F2: variants seen among roughly 807,000 people sequenced by gnomAD.
F2 encodes the protein prothrombin.
Under a neutral mutation model 81.9 loss-of-function variants are expected in F2, and 34 were observed. That is an observed-to-expected ratio of 0.42 (90% confidence interval 0.32 to 0.55). The LOEUF is 0.55. F2 is among the 20% of genes least tolerant of loss of function. The pLI, the probability that F2 is intolerant of heterozygous loss-of-function variation, is 0.18. For missense variants in F2, 630 were observed against 833.4 expected, an observed-to-expected ratio of 0.76 and a Z score of 3.00; for synonymous variants, 296 against 326.4, an observed-to-expected ratio of 0.91 and a Z score of 1.01.
rs1047233708 is a variant in F2 at position 46,726,007 on chromosome 11, C to T, written c.708C>T (p.Ala236=). The T allele has an allele frequency of 4.3e-6, 7 of 1,613,906 alleles. No individual in the cohort carries two copies. In the Middle Eastern group the frequency reaches 4.9e-4, roughly 114 times the overall value. Residue 236 remains alanine, a synonymous_variant, in exon 7 of 14, where the codon GCC becomes GCT. Transcript: ENST00000311907. The surrounding 1 kb of genome is among the most constrained non-coding windows in gnomAD (Gnocchi z 5.9). ...AVTTHGLPCL[A]WASAQAKALS... Reference sequence around the variant, plus strand: ...CCACACATGGGCTCCCCTGCCTGGCCTGGGCCAGCGCACAGGCCAAGGCCC... The same window carrying T: ...CCACACATGGGCTCCCCTGCCTGGCTTGGGCCAGCGCACAGGCCAAGGCCC...
At chr11:46,722,494 G>A (rs965591465) in intron 4 of F2, among the ~76,000 whole-genome samples, 3 of 152,142 alleles carry the variant, frequency 2.0e-5, no homozygotes, top group Non-Finnish European at 4.4e-5. Flanking sequence ...AGGCTGATGG[G>A]GGAGAATTTC....
rs5899 is a variant in F2, at chr11:46,726,112, C to T, written c.813C>T (p.Gly271=). 9.5e-3 allele frequency: 15,287 copies of T among 1,614,146 alleles called. 118 individuals are homozygous for T. The highest frequency in any genetic ancestry group is 0.025 in the South Asian group (2,242 of 91,086). The change falls in exon 7 of 14, where the codon GGC becomes GGT. Residue 271 remains glycine (G), a synonymous_variant. Transcript: ENST00000311907. The surrounding 1 kb of genome is among the most constrained non-coding windows in gnomAD (Gnocchi z 5.9). ...GCAACCCAGACGGGGATGAGGAGGG[C>T]GTGTGGTGCTATGTGGCCGGGAAGC... ...FCRNPDGDEE[G]VWCYVAGKPG...
chr11:46,724,915 C>T (rs903194937), intron 6 of F2, among the ~76,000 whole-genome samples: 1 of 150,928 alleles, frequency 6.6e-6, no homozygotes, highest in Non-Finnish European at 1.5e-5. Flanking sequence ...GGATTACAGG[C>T]GTGTGCCACC....
chr11:46,720,509 C>T lies in F2; in HGVS notation c.241-14C>T. 6.2e-7 allele frequency: 1 copy of T among 1,614,128 alleles called. No individual in the cohort carries two copies. The highest frequency in any genetic ancestry group is 8.5e-7 in the Non-Finnish European group (1 of 1,179,980). On this transcript the variant is annotated splice_polypyrimidine_tract_variant and intron_variant, in intron 2 of 13. Coordinates refer to ENST00000311907, the MANE Select transcript of F2 (RefSeq NM_000506.5). Reference sequence around the variant, plus strand: ...GGAGCTGCCGTAGCCTCACTCCCAGCCCTTGTTTTTCAGGATGTGTTCTGG... The same window carrying T: ...GGAGCTGCCGTAGCCTCACTCCCAGTCCTTGTTTTTCAGGATGTGTTCTGG...
In F2 at chr11:46,719,353, T is replaced by C. The variant is rs1338330565; in HGVS notation, c.79+39T>C. 40 of 1,593,732 alleles carry C rather than the reference T, an allele frequency of 2.5e-5. No individual in the cohort carries two copies. Among genetic ancestry groups the C allele is most frequent in the Non-Finnish European group, 3.3e-5 (39 of 1,169,556 alleles). ...TGCAGGCTGGAACAGGCTGGAGGACTGGGGTGTGGGCCCATGGGCTGGGGT... is the reference window on the plus strand; with the variant it reads ...TGCAGGCTGGAACAGGCTGGAGGACCGGGGTGTGGGCCCATGGGCTGGGGT... On this transcript the variant is annotated intron_variant, in intron 1 of 13. Transcript: ENST00000311907. The surrounding 1 kb of genome is among the most constrained non-coding windows in gnomAD (Gnocchi z 4.7).
chr11:46,726,325 C>A lies in F2; in HGVS notation c.874+152C>A. ...GGGGGGTAAGGTCCTGTGCCCATTTCACAGATAAGTACACTGAGGCCCCAG... is the reference window on the plus strand; with the variant it reads ...GGGGGGTAAGGTCCTGTGCCCATTTAACAGATAAGTACACTGAGGCCCCAG... On this transcript the variant is annotated intron_variant, in intron 7 of 13. Coordinates refer to ENST00000311907, the MANE Select transcript of F2 (RefSeq NM_000506.5). The surrounding 1 kb of genome is among the most constrained non-coding windows in gnomAD (Gnocchi z 5.9). The A allele has an allele frequency of 6.9e-7, 1 of 1,441,568 alleles. No individual in the cohort carries two copies. The highest frequency in any genetic ancestry group is 9.4e-7 in the Non-Finnish European group (1 of 1,058,822). The allele number at this position is 1,441,568 out of a possible 1,614,324, so 89.3% of individuals were successfully genotyped here. A position where few individuals can be genotyped will look rare whatever the true frequency, so the allele number is the denominator to read the frequency against.
At chr11:46,738,037 G>T (rs117303522) in intron 12 of F2, among the ~76,000 whole-genome samples, 1 of 151,408 alleles carries the variant, frequency 6.6e-6, no homozygotes, top group East Asian at 1.9e-4. Flanking sequence ...TTGTTCTGTC[G>T]CTCAGGCGGT....
chr11:46,722,859 A>G (rs1219108281), intron 4 of F2, among the ~76,000 whole-genome samples: 1 of 152,184 alleles, frequency 6.6e-6, no homozygotes, highest in Non-Finnish European at 1.5e-5. Flanking sequence ...GTTGAAAAGG[A>G]CCTTCATCAC....
chr11:46,724,206 T>C (rs1422382741), intron 6 of F2, among the ~76,000 whole-genome samples: 1 of 152,148 alleles, frequency 6.6e-6, no homozygotes, highest in Non-Finnish European at 1.5e-5. Context: ...CATTATTATT[T>C]CCTTGGTGTG....
At chr11:46,722,098 G>A (rs1393305837) in intron 4 of F2, among the ~76,000 whole-genome samples, 1 of 151,908 alleles carries the variant, frequency 6.6e-6, no homozygotes. Flanking sequence ...ACCAGCCTCA[G>A]CCTCCCAGAG....
chr11:46,737,734 G>A (rs116429524), intron 12 of F2, among the ~76,000 whole-genome samples: 1,842 of 152,048 alleles, frequency 0.012, 22 homozygotes, highest in Middle Eastern at 0.017. Flanking sequence ...CACTGCGCCC[G>A]GCCAGGCCTA....
At chr11:46,732,489 C>T (rs1234216055) in intron 12 of F2, among the ~76,000 whole-genome samples, 1 of 151,626 alleles carries the variant, frequency 6.6e-6, no homozygotes, top group Non-Finnish European at 1.5e-5. Context: ...CGTCCTCCTC[C>T]CAGGTTCAAG....
In F2 at chr11:46,719,897, C is replaced by T. The variant is rs1307151409; in HGVS notation, c.240+35C>T. On this transcript the variant is annotated intron_variant, in intron 2 of 13. Transcript: ENST00000311907. The surrounding 1 kb of genome is among the most constrained non-coding windows in gnomAD (Gnocchi z 4.7). ...GGCTGCTCGGACGGTGCCGGGGCCTCAGACCGGGCCCAACTCTAGACACTT... is the reference window on the plus strand; with the variant it reads ...GGCTGCTCGGACGGTGCCGGGGCCTTAGACCGGGCCCAACTCTAGACACTT... 4 of 1,547,564 alleles carry T rather than the reference C, an allele frequency of 2.6e-6. No homozygotes were observed. Among genetic ancestry groups the T allele is most frequent in the Non-Finnish European group, 3.5e-6 (4 of 1,148,148 alleles).
chr11:46,726,580 G>A lies in F2; in HGVS notation c.957G>A (p.Glu319=). The A allele has an allele frequency of 1.9e-6, 3 of 1,614,168 alleles. No individual in the cohort carries two copies. The highest frequency in any genetic ancestry group is 2.5e-6 in the Non-Finnish European group (3 of 1,179,986). The change falls in exon 8 of 14, where the codon GAG becomes GAA. Residue 319 remains glutamate, a synonymous_variant. Coordinates refer to ENST00000311907, the MANE Select transcript of F2 (RefSeq NM_000506.5). The surrounding 1 kb of genome is among the most constrained non-coding windows in gnomAD (Gnocchi z 5.9). ...RAIEGRTATS[E]YQTFFNPRTF... ...TCGAAGGGCGTACCGCCACCAGTGA[G>A]TACCAGACTTTCTTCAATCCGAGGA... is the stretch of plus-strand genomic sequence containing the variant.
chr11:46,721,414 G>C (rs1252728659), intron 4 of F2, among the ~76,000 whole-genome samples: 2 of 152,166 alleles, frequency 1.3e-5, no homozygotes, highest in East Asian at 3.8e-4. Context: ...GAGCTTTGAT[G>C]ATGTCACATT....
At position 46,723,498 on chromosome 11, in the gene F2, A is replaced by G. The variant is rs763643404; in HGVS notation, c.539A>G (p.Glu180Gly). ...YTTDPTVRRQ[E>G]CSIPVCGQDQ... ...ACAGACCCCACCGTGAGGAGGCAGG[A>G]ATGCAGCATCCCTGTCTGTGGTAAG... The change falls in exon 6 of 14, where the codon GAA (glutamate) becomes GGA (glycine). Residue 180 changes from glutamate (E) to glycine (G), a missense_variant. Transcript: ENST00000311907. This position sits in a 1 kb window ranked among gnomAD's most constrained non-coding sequence, Gnocchi z 5.6. 1 of 1,613,630 alleles carries G rather than the reference A, an allele frequency of 6.2e-7. No individual in the cohort carries two copies. The highest frequency in any genetic ancestry group is 8.5e-7 in the Non-Finnish European group (1 of 1,179,782).
chr11:46,737,699 A>T (rs1384360194), intron 12 of F2, among the ~76,000 whole-genome samples: 3 of 151,924 alleles, frequency 2.0e-5, no homozygotes, highest in Non-Finnish European at 4.4e-5. Context: ...CAGCCTCCCA[A>T]AGTGCTGGTA....
At chr11:46,736,657 C>T (rs1393758237) in intron 12 of F2, among the ~76,000 whole-genome samples, 1 of 152,154 alleles carries the variant, frequency 6.6e-6, no homozygotes, top group Non-Finnish European at 1.5e-5. Context: ...TCTGGATGTT[C>T]GACTCGGCTT....
intron 12 of F2, among the ~76,000 whole-genome samples, chr11:46,733,566 T>C (rs1385670582): frequency 2.6e-5 from 4 of 152,104 alleles, no homozygotes; most frequent in Non-Finnish European, 5.9e-5. Flanking sequence ...TGTCATTTTT[T>C]AGAGATTTTT....
Sources: allele counts gnomAD v4.1 joint callset (sites outside exome capture counted in the v4.1 genomes callset), GRCh38; gene constraint gnomAD v4.1.1; non-coding constraint Gnocchi (gnomAD v3.1); transcripts MANE v1.5; gene names NCBI Gene and HGNC (gene_info 2026-07-23, HGNC 2026-07-21).